Variants in SVOP observed in about 807,000 individuals in gnomAD.
SVOP encodes synaptic vesicle 2-related protein.
A neutral mutation model predicts 69.1 loss-of-function variants in SVOP; 17 were observed. That is an observed-to-expected ratio of 0.25 (90% CI 0.17 to 0.37). The LOEUF is 0.37. SVOP is among the 10% of genes least tolerant of loss of function. The probability of loss-of-function intolerance (pLI) is 1.00; values close to 1 mark genes in which losing one functional copy is unlikely to be tolerated. For synonymous variants in SVOP, 238 were observed against 238.6 expected (o/e 1.00, Z 0.02); for missense variants, 435 against 597.5 (o/e 0.73, Z 2.84).
intron 11 of SVOP, among the ~76,000 whole-genome samples, chr12:108,929,223 C>G (rs965258664): frequency 6.6e-6 from 1 of 152,208 alleles, no homozygotes; most frequent in African/African-American, 2.4e-5. Flanking sequence ...GTCATAAAAC[C>G]AGGATGAATA....
At chr12:108,952,233 T>C (rs899982217) in intron 6 of SVOP, among the ~76,000 whole-genome samples, 254 of 136,372 alleles carry the variant, frequency 1.9e-3, no homozygotes, top group African/African-American at 6.5e-3. Context: ...CTTTTCTCTT[T>C]TTTTTTTTTT....
intron 1 of SVOP, among the ~76,000 whole-genome samples, chr12:109,007,158 A>C (rs991136311): frequency 6.6e-6 from 1 of 152,174 alleles, no homozygotes; most frequent in South Asian, 2.1e-4. Flanking sequence ...TTGTTTGGGG[A>C]ACTCGATCAA....
chr12:108,991,472 T>C (rs2040200295), intron 1 of SVOP, among the ~76,000 whole-genome samples: 1 of 150,698 alleles, frequency 6.6e-6, no homozygotes, highest in Non-Finnish European at 1.5e-5. Context: ...TTTGTTTGTT[T>C]TGAGACAGAA....
chr12:108,997,352 A>C (rs1593204266), intron 1 of SVOP, among the ~76,000 whole-genome samples: 1 of 151,808 alleles, frequency 6.6e-6, no homozygotes, highest in Non-Finnish European at 1.5e-5. Flanking sequence ...GCAGTCTGAG[A>C]TCAAACTGCA....
At chr12:109,005,750 A>G (rs181105294) in intron 1 of SVOP, among the ~76,000 whole-genome samples, 2 of 152,302 alleles carry the variant, frequency 1.3e-5, no homozygotes, top group Admixed American at 1.3e-4. Context: ...AGACCTCCCC[A>G]AGGAGAGATC....
chr12:108,933,966 T>A (rs898252444), intron 11 of SVOP, among the ~76,000 whole-genome samples: 6 of 152,222 alleles, frequency 3.9e-5, no homozygotes, highest in African/African-American at 1.4e-4. Context: ...GGTTTATGTT[T>A]TAACAGTGCG....
At chr12:108,924,305 G>C (rs765086232) in intron 11 of SVOP, among the ~76,000 whole-genome samples, 2 of 152,094 alleles carry the variant, frequency 1.3e-5, no homozygotes, top group Non-Finnish European at 2.9e-5. Context: ...TTTTGTTATA[G>C]CAGTCCAAAT....
chr12:108,919,849 G>C (rs754103994), intron 12 of SVOP, 63 bp from the exon 13 acceptor site: 59 of 1,126,728 alleles, frequency 5.2e-5, no homozygotes, highest in African/African-American at 4.6e-4. Context: ...CTCCATCCTC[G>C]TAGCACAGCC....
chr12:108,977,756 CACAA>C (rs1478145082), intron 3 of SVOP, among the ~76,000 whole-genome samples: 2 of 150,884 alleles, frequency 1.3e-5, no homozygotes, highest in African/African-American at 2.4e-5. Context: ...ATGGGCATAT[CACAA>C]ACAAAGTGGG....
intron 11 of SVOP, among the ~76,000 whole-genome samples, chr12:108,933,260 C>T (rs1257642643): frequency 6.6e-6 from 1 of 152,050 alleles, no homozygotes; most frequent in East Asian, 1.9e-4. Flanking sequence ...ACCTGTAGTC[C>T]CAGCTACTTT....
intron 1 of SVOP, among the ~76,000 whole-genome samples, chr12:109,017,452 C>CA (rs977146145): frequency 6.1e-4 from 93 of 151,964 alleles, no homozygotes; most frequent in African/African-American, 2.0e-3. Context: ...GTATGCTGTC[C>CA]AATATAGTAG....
chr12:108,961,824 C>T (rs139969147), intron 5 of SVOP, among the ~76,000 whole-genome samples: 180 of 152,242 alleles, frequency 1.2e-3, no homozygotes, highest in Non-Finnish European at 2.1e-3. Flanking sequence ...TTATTAATGA[C>T]GTTTTAAATT....
intron 1 of SVOP, among the ~76,000 whole-genome samples, chr12:108,986,892 C>T (rs1462888835): frequency 6.6e-6 from 1 of 152,138 alleles, no homozygotes; most frequent in Admixed American, 6.6e-5. Flanking sequence ...CTCTGAGCCT[C>T]AGTTTACCTC....
chr12:108,922,110 GC>G (rs2039751625), intron 12 of SVOP, among the ~76,000 whole-genome samples: 1 of 152,162 alleles, frequency 6.6e-6, no homozygotes, highest in Admixed American at 6.5e-5. Flanking sequence ...AGAGGGATCA[GC>G]TGCCCTTTTG....
chr12:108,998,327 A>G (rs949369993), intron 1 of SVOP, among the ~76,000 whole-genome samples: 5 of 152,078 alleles, frequency 3.3e-5, no homozygotes, highest in Non-Finnish European at 5.9e-5. Flanking sequence ...GACCAAATCT[A>G]CGTCTGATTG....
In SVOP at chr12:108,954,195, A is replaced by G. The variant is rs187464672; in HGVS notation, c.578+6728T>C. Among the ~76,000 whole-genome samples, 5 of 151,876 alleles carry G rather than the reference A, an allele frequency of 3.3e-5. 1 individual carries two copies. The highest frequency in any genetic ancestry group is 1.2e-4 in the African/African-American group (5 of 41,360). ...GAGGGTCAAGTGATGTTTAGACATC[A>G]GCTCTGCCATTTACTAGCTATGTGA... On this transcript the variant is annotated intron_variant, in intron 6 of 15. Coordinates refer to ENST00000610966, the MANE Select transcript of SVOP (RefSeq NM_018711.5).
At chr12:108,929,029 C>T (rs2039799884) in intron 11 of SVOP, among the ~76,000 whole-genome samples, 1 of 152,218 alleles carries the variant, frequency 6.6e-6, no homozygotes, top group Admixed American at 6.5e-5. Flanking sequence ...CACTAGGTCA[C>T]ACTCTTCGTC....
At chr12:108,984,070 A>G (rs2137438880) in intron 1 of SVOP, among the ~76,000 whole-genome samples, 1 of 152,310 alleles carries the variant, frequency 6.6e-6, no homozygotes, top group African/African-American at 2.4e-5. Flanking sequence ...GTTTGTGAGT[A>G]CATTTGTTTC....
At chr12:108,959,580 C>T (rs1455024225) in intron 6 of SVOP, among the ~76,000 whole-genome samples, 2 of 152,102 alleles carry the variant, frequency 1.3e-5, no homozygotes, top group Non-Finnish European at 2.9e-5. Context: ...TCTCAAACTC[C>T]TGAGCTCAAG....
Sources: allele counts gnomAD v4.1 joint callset (sites outside exome capture counted in the v4.1 genomes callset), GRCh38; gene constraint gnomAD v4.1.1; transcripts MANE v1.5; gene names NCBI Gene and HGNC (gene_info 2026-07-23, HGNC 2026-07-21).